MBTPS1: variants seen among roughly 807,000 people sequenced by gnomAD.
MBTPS1 encodes the protein membrane bound transcription factor peptidase, site 1, also known as membrane-bound transcription factor site-1 protease.
MBTPS1 carries 94 observed loss-of-function variants against 127.8 expected under a neutral mutation model. That is an observed-to-expected ratio of 0.74 (90% CI 0.62 to 0.87). The LOEUF (loss-of-function observed/expected upper bound fraction) is 0.87, where lower values mean the gene tolerates loss of function less well. Among genes scored for constraint, MBTPS1 ranks in the 40% least tolerant of loss-of-function variants. The probability of loss-of-function intolerance (pLI) is 0.00; values close to 1 mark genes in which losing one functional copy is unlikely to be tolerated. For synonymous variants in MBTPS1, 632 were observed against 509.4 expected, an observed-to-expected ratio of 1.24 and a Z score of -3.24; for missense variants, 1,636 against 1,353.2, an observed-to-expected ratio of 1.21 and a Z score of -3.28.
At chr16:84,101,165 T>G (rs1253362977) in intron 2 of MBTPS1, among the ~76,000 whole-genome samples, 2 of 151,890 alleles carry the variant, frequency 1.3e-5, no homozygotes, top group Non-Finnish European at 2.9e-5. Flanking sequence ...CTGGGAGTTG[T>G]GGCGGGTGCC....
intron 8 of MBTPS1, among the ~76,000 whole-genome samples, 154 bp downstream of exon 8, chr16:84,090,721 C>T (rs946521499): frequency 1.3e-5 from 2 of 152,220 alleles, no homozygotes; most frequent in South Asian, 2.1e-4. Context: ...CATCTACATC[C>T]TATAGTATTT....
chr16:84,101,460 C>T (rs1224616647), intron 2 of MBTPS1, among the ~76,000 whole-genome samples, 161 bp downstream of exon 2: 2 of 150,218 alleles, frequency 1.3e-5, no homozygotes, highest in South Asian at 2.1e-4. Flanking sequence ...CACTGCACTC[C>T]AGCCTGGGTG....
chr16:84,076,267 A>G (rs1400611888), intron 11 of MBTPS1, among the ~76,000 whole-genome samples: 1 of 139,420 alleles, frequency 7.2e-6, no homozygotes, highest in Non-Finnish European at 1.6e-5. Context: ...CTAGACAGAT[A>G]ATCTAACACA....
rs17849053 is a variant in MBTPS1 at position 84,101,759 on chromosome 16, G to A, written c.25C>T (p.Leu9Phe). 195 of 1,613,652 alleles carry A rather than the reference G, an allele frequency of 1.2e-4. No individual in the cohort carries two copies. The East Asian group carries it at 4.3e-3, about 36-fold the overall frequency. MKLVNIWL[L>F]LLVVLLCGKK... ...CCACAGAGCAAAACCACGAGCAGAAGCAGCCAGATGTTGACAAGCTTCATG... is the reference window on the plus strand; with the variant it reads ...CCACAGAGCAAAACCACGAGCAGAAACAGCCAGATGTTGACAAGCTTCATG... Residue 9 changes from leucine to phenylalanine, a missense_variant, in exon 2 of 23, where the codon CTT becomes TTT. Transcript: ENST00000343411.
In MBTPS1 at chr16:84,069,954, C is replaced by T. The variant is rs186464050; in HGVS notation, c.1867G>A (p.Val623Ile). 75 of 1,614,112 alleles carry T rather than the reference C, an allele frequency of 4.6e-5. No individual in the cohort carries two copies. The Admixed American group carries it at 1.2e-3, about 25-fold the overall frequency. ...AGGTTGTGGTACTGATCCCAGAGAACTCTCTTGCTTCGCGGGGGAGTAGGA... is the reference window on the plus strand; with the variant it reads ...AGGTTGTGGTACTGATCCCAGAGAATTCTCTTGCTTCGCGGGGGAGTAGGA... ...IIPTPPRSKR[V>I]LWDQYHNLRY... Residue 623 changes from valine (V) to isoleucine (I), a missense_variant, in exon 14 of 23, where the codon GTT becomes ATT. Coordinates refer to ENST00000343411, the MANE Select transcript of MBTPS1 (RefSeq NM_003791.4).
At chr16:84,090,743 G>A in intron 8 of MBTPS1, 132 bp downstream of exon 8, 1 of 688,926 alleles carries the variant, frequency 1.5e-6, no homozygotes. Context: ...TTTACATGAG[G>A]AAAACATCCT....
At chr16:84,063,746 A>G (rs944444351) in intron 18 of MBTPS1, among the ~76,000 whole-genome samples, 2 of 152,026 alleles carry the variant, frequency 1.3e-5, no homozygotes, top group Non-Finnish European at 2.9e-5. Context: ...TGCTGCCTCT[A>G]TCTTAAAAAA....
rs755973411 is a variant in MBTPS1 at position 84,090,856 on chromosome 16, C to T, written c.1031+19G>A. The T allele has an allele frequency of 1.9e-5, 30 of 1,592,652 alleles. No homozygotes were observed. The highest frequency in any genetic ancestry group is 2.5e-5 in the Non-Finnish European group (29 of 1,164,860). Reference sequence around the variant, plus strand: ...AGGGGGAAAAAATCCCCGAGGTCATCCCTGCTGGGGCTACTTACCCATAAA... The same window carrying T: ...AGGGGGAAAAAATCCCCGAGGTCATTCCTGCTGGGGCTACTTACCCATAAA... On this transcript the variant is annotated intron_variant, in intron 8 of 22. Coordinates refer to ENST00000343411, the MANE Select transcript of MBTPS1 (RefSeq NM_003791.4).
intron 11 of MBTPS1, among the ~76,000 whole-genome samples, chr16:84,079,909 G>A (rs2085915123): frequency 6.6e-6 from 1 of 152,216 alleles, no homozygotes; most frequent in Non-Finnish European, 1.5e-5. Flanking sequence ...TAACCACTGT[G>A]AGCACAGCAG....
chr16:84,074,170 G>GT (rs762973458), intron 12 of MBTPS1, among the ~76,000 whole-genome samples: 61 of 151,868 alleles, frequency 4.0e-4, no homozygotes, highest in Non-Finnish European at 7.5e-4. Context: ...GACTTATTCT[G>GT]TAACAGACTT....
intron 12 of MBTPS1, among the ~76,000 whole-genome samples, 165 bp from the exon 13 acceptor site, chr16:84,070,941 T>G (rs1486086625): frequency 6.6e-6 from 1 of 152,196 alleles, no homozygotes; most frequent in Non-Finnish European, 1.5e-5. Flanking sequence ...ACAACCAAAG[T>G]AGCCTATGGA....
At chr16:84,079,669 G>GA (rs1261791121) in intron 11 of MBTPS1, among the ~76,000 whole-genome samples, 2 of 152,202 alleles carry the variant, frequency 1.3e-5, no homozygotes, top group Admixed American at 6.5e-5. Flanking sequence ...CACTGTTGGA[G>GA]AATGGAGTTA....
chr16:84,079,352 A>G (rs950983139), intron 11 of MBTPS1, among the ~76,000 whole-genome samples: 1 of 152,218 alleles, frequency 6.6e-6, no homozygotes, highest in Non-Finnish European at 1.5e-5. Context: ...AACCACAGTC[A>G]TGTTTCACAC....
chr16:84,059,151 T>A, intron 21 of MBTPS1, 151 bp downstream of exon 21: 1 of 996,454 alleles, frequency 1.0e-6, no homozygotes, highest in Admixed American at 2.6e-5. Context: ...CAAAGGCCAA[T>A]ACGAGGTTCA....
chr16:84,087,494 GA>G, intron 8 of MBTPS1, 34 bp from the exon 9 acceptor site: 1 of 1,285,882 alleles, frequency 7.8e-7, no homozygotes, highest in Non-Finnish European at 1.1e-6. Flanking sequence ...AAAAAGAAAA[GA>G]AAAAGAAAAA....
intron 8 of MBTPS1, 149 bp downstream of exon 8, chr16:84,090,726 G>C: frequency 1.6e-6 from 1 of 638,392 alleles, no homozygotes; most frequent in South Asian, 2.0e-5. Context: ...ACATCCTATA[G>C]TATTTTTTTA....
intron 9 of MBTPS1, chr16:84,086,467 C>G (rs1020137348): frequency 2.0e-5 from 3 of 152,402 alleles, no homozygotes; most frequent in African/African-American, 7.2e-5. Flanking sequence ...CCCCAGCCAA[C>G]AGGTCAGCTC....
intron 11 of MBTPS1, 103 bp from the exon 12 acceptor site, chr16:84,074,844 A>T (rs1429433369): frequency 9.0e-7 from 1 of 1,106,488 alleles, no homozygotes; most frequent in Non-Finnish European, 1.3e-6. Flanking sequence ...TAGCTTCAGA[A>T]GGGCTTGCTT....
intron 18 of MBTPS1, 35 bp downstream of exon 18, chr16:84,065,655 G>A: frequency 7.1e-7 from 1 of 1,403,096 alleles, no homozygotes; most frequent in South Asian, 1.2e-5. Flanking sequence ...GCGAGAGAAA[G>A]AAGAAGCAAA....
Sources: gnomAD v4.1 joint callset for allele counts (sites outside exome capture counted in the v4.1 genomes callset) on GRCh38, gnomAD v4.1.1 for gene constraint, MANE v1.5 for transcripts, NCBI Gene and HGNC (gene_info 2026-07-23, HGNC 2026-07-21) for gene names.